The following NBPF3 variants were observed in gnomAD, a reference collection of about 807,000 sequenced individuals.
NBPF3 encodes NBPF member 3, also known as NBPF family member NBPF3.
A neutral mutation model predicts 78.1 loss-of-function variants in NBPF3; 57 were observed. That is an observed-to-expected ratio of 0.73 (90% CI 0.59 to 0.91). The LOEUF is 0.91. NBPF3 is among the 40% of genes least tolerant of loss of function. The pLI is 0.00. For missense variants in NBPF3, 510 were observed against 715.3 expected, an observed-to-expected ratio of 0.71 and a Z score of 3.27; for synonymous variants, 182 against 271.7, an observed-to-expected ratio of 0.67 and a Z score of 3.25.
intron 6 of NBPF3, among the ~76,000 whole-genome samples, 198 bp downstream of exon 6, chr1:21,473,113 G>T (rs753450419): frequency 6.6e-5 from 10 of 152,162 alleles, no homozygotes; most frequent in Non-Finnish European, 1.0e-4. Flanking sequence ...TGTCTGTACC[G>T]TACAGGGATA....
chr1:21,441,424 G>T (rs567392208), intron 1 of NBPF3, among the ~76,000 whole-genome samples: 74 of 152,154 alleles, frequency 4.9e-4, no homozygotes, highest in Middle Eastern at 3.4e-3. Flanking sequence ...ATGTGCAGGG[G>T]GCCCGGGCGC....
In NBPF3 at chr1:21,454,697, G is replaced by A. The variant is rs3894727; in HGVS notation, c.133+9478G>A. On this transcript the variant is annotated intron_variant, in intron 2 of 14. Transcript: ENST00000318249. ...GTAGACCCAATTCAACCATACAGGCGTCAACCATATCAGCATACAGGCATC... is the reference window on the plus strand; with the variant it reads ...GTAGACCCAATTCAACCATACAGGCATCAACCATATCAGCATACAGGCATC... Among the ~76,000 whole-genome samples, 5 of 152,192 alleles carry A rather than the reference G, an allele frequency of 3.3e-5. No homozygotes were observed. The South Asian group carries it at 6.2e-4, about 19-fold the overall frequency.
chr1:21,448,898 A>G (rs1176582046), intron 2 of NBPF3, among the ~76,000 whole-genome samples: 1 of 152,144 alleles, frequency 6.6e-6, no homozygotes, highest in Non-Finnish European at 1.5e-5. Context: ...GCTTTTTTCT[A>G]GCTGTGAGGA....
rs1182666691 is a variant in NBPF3, at chr1:21,473,587, T to G, written c.940+2T>G. 1 of 1,612,620 alleles carries G rather than the reference T, an allele frequency of 6.2e-7. No individual in the cohort carries two copies. ...TGGATGCTGTATGCATTATCCCAGG[T>G]AGCCTCTATTTTCCTGTGTCTCACA... is the stretch of plus-strand genomic sequence containing the variant. On this transcript the variant is annotated splice_donor_variant, in intron 7 of 14. Transcript: ENST00000318249. LOFTEE classifies it high-confidence loss of function.
At position 21,470,758 on chromosome 1, in the gene NBPF3, G is replaced by A. The variant is rs770072778; in HGVS notation, c.446+24G>A. ...AGGTGAGTGGGCCCCCTGGGGTCAG[G>A]CAGGTGGGCAGGTGTGTAAATATCT... On this transcript the variant is annotated intron_variant, in intron 4 of 14. Transcript: ENST00000318249. The A allele has an allele frequency of 3.4e-6, 5 of 1,473,654 alleles. No homozygotes were observed. In the Admixed American group the frequency reaches 6.8e-5, roughly 20 times the overall value. 91.3% of individuals were successfully genotyped at this position (1,473,654 alleles called of 1,614,324 possible).
rs1214934859 is a variant in NBPF3, at chr1:21,471,801, C to T, written c.661+18C>T. On this transcript the variant is annotated intron_variant, in intron 5 of 14. Coordinates refer to ENST00000318249, the MANE Select transcript of NBPF3 (RefSeq NM_032264.6). ...CAGCCCAGGTGAGGTGGCCATAGGC[C>T]CTGATGACCCAAAACCCCAGGCTTA... is the stretch of plus-strand genomic sequence containing the variant. The T allele has an allele frequency of 1.2e-6, 2 of 1,611,938 alleles. No homozygotes were observed. The highest frequency in any genetic ancestry group is 1.7e-6 in the Non-Finnish European group (2 of 1,179,544).
chr1:21,478,005 T>C (rs762489639), intron 8 of NBPF3, 139 bp from the exon 9 acceptor site: 8 of 1,582,656 alleles, frequency 5.1e-6, no homozygotes, highest in South Asian at 1.1e-5. Context: ...GAAGGATAGT[T>C]TTATTTCTCT....
chr1:21,474,307 G>T (rs1359227803), intron 7 of NBPF3, among the ~76,000 whole-genome samples: 6 of 151,332 alleles, frequency 4.0e-5, no homozygotes, highest in African/African-American at 1.5e-4. Flanking sequence ...AGGTTCAAGT[G>T]ATTCTCCTGC....
upstream of NBPF3, among the ~76,000 whole-genome samples, chr1:21,439,114 G>A (rs1490323875): frequency 1.3e-5 from 2 of 152,128 alleles, no homozygotes; most frequent in East Asian, 3.9e-4. Context: ...TGGCTGGCAC[G>A]TGCCAAATGG....
At chr1:21,444,763 G>A (rs1361644199) in intron 1 of NBPF3, among the ~76,000 whole-genome samples, 185 bp from the exon 2 acceptor site, 1 of 152,060 alleles carries the variant, frequency 6.6e-6, no homozygotes, top group Non-Finnish European at 1.5e-5. Context: ...GTCTTACTAT[G>A]TTGCCCAGGC....
intron 2 of NBPF3, among the ~76,000 whole-genome samples, chr1:21,467,659 C>A (rs1339054094): frequency 6.6e-6 from 1 of 152,150 alleles, no homozygotes; most frequent in African/African-American, 2.4e-5. Flanking sequence ...ATGGAAACAA[C>A]AAAATAGCAT....
chr1:21,448,549 G>A (rs1401812657), intron 2 of NBPF3, among the ~76,000 whole-genome samples: 5 of 152,102 alleles, frequency 3.3e-5, no homozygotes, highest in Non-Finnish European at 7.4e-5. Context: ...CTTAATGTAA[G>A]TCCTGAAGTT....
intron 2 of NBPF3, among the ~76,000 whole-genome samples, chr1:21,457,337 A>AGT (rs558306451): frequency 0.11 from 8,633 of 80,434 alleles, 467 homozygotes; most frequent in African/African-American, 0.18. Context: ...GGGTTTTTAG[A>AGT]GTGTGTGTGT....
chr1:21,462,424 T>G (rs1320767224), intron 2 of NBPF3, among the ~76,000 whole-genome samples: 6 of 152,158 alleles, frequency 3.9e-5, no homozygotes, highest in Admixed American at 3.3e-4. Context: ...TGCAGTATAC[T>G]CTATGCAAAT....
At chr1:21,483,078 C>T in intron 14 of NBPF3, 65 bp from the exon 15 acceptor site, 9 of 1,607,838 alleles carry the variant, frequency 5.6e-6, no homozygotes, top group Non-Finnish European at 7.6e-6. Flanking sequence ...CCCCTGAAAT[C>T]TAGTTGGGGC....
upstream of NBPF3, among the ~76,000 whole-genome samples, chr1:21,439,691 G>A (rs115737209): frequency 6.6e-6 from 1 of 151,770 alleles, no homozygotes; most frequent in African/African-American, 2.4e-5. Flanking sequence ...TTTTCGTCCA[G>A]GCTGGTCTCG....
chr1:21,447,703 C>T (rs1641070431), intron 2 of NBPF3, among the ~76,000 whole-genome samples: 2 of 152,148 alleles, frequency 1.3e-5, no homozygotes, highest in Non-Finnish European at 1.5e-5. Context: ...AATAAAATTG[C>T]TGTAAGTACT....
intron 2 of NBPF3, chr1:21,466,016 C>T (rs1373401760): frequency 5.0e-6 from 3 of 597,412 alleles, no homozygotes; most frequent in African/African-American, 2.0e-5. Flanking sequence ...AACACAGCTG[C>T]CCACTCTACA....
At chr1:21,464,819 GCAA>G (rs1204371306) in intron 2 of NBPF3, among the ~76,000 whole-genome samples, 2 of 151,854 alleles carry the variant, frequency 1.3e-5, no homozygotes, top group Non-Finnish European at 2.9e-5. Context: ...ACCAGCCTGA[GCAA>G]CATAGCAAGA....
Sources: gnomAD v4.1 joint callset for allele counts (sites outside exome capture counted in the v4.1 genomes callset) on GRCh38, gnomAD v4.1.1 for gene constraint, MANE v1.5 for transcripts, NCBI Gene and HGNC (gene_info 2026-07-23, HGNC 2026-07-21) for gene names.